The following TTC6 variants were observed in gnomAD, a reference collection of about 807,000 sequenced individuals.
TTC6 encodes the protein tetratricopeptide repeat domain 6.
TTC6 carries 172 observed loss-of-function variants against 210.4 expected under a neutral mutation model. That is an observed-to-expected ratio of 0.82 (90% CI 0.72 to 0.93). The LOEUF (loss-of-function observed/expected upper bound fraction) is 0.93. Ranked by LOEUF, TTC6 falls within the 40% of genes least tolerant of loss-of-function variation. The pLI is 0.00. For missense variants in TTC6, 2,414 were observed against 2,318.1 expected (o/e 1.04, Z -0.85); for synonymous variants, 804 against 819.6 (o/e 0.98, Z 0.32).
intron 5 of TTC6, among the ~76,000 whole-genome samples, chr14:37,712,470 AGAAACATCTTG>A: frequency 6.6e-6 from 1 of 152,344 alleles, no homozygotes; most frequent in African/African-American, 2.4e-5. Context: ...TTCGGAAAAC[AGAAACATCTTG>A]TATTTGTCTG....
At chr14:37,824,039 T>C (rs887040217) in intron 27 of TTC6, 82 bp downstream of exon 29, 7 of 1,247,468 alleles carry the variant, frequency 5.6e-6, no homozygotes, top group Admixed American at 1.9e-5. Context: ...AATGGGAGTA[T>C]ATGTTATTTC....
At chr14:37,758,378 G>T (rs2095974161) in intron 14 of TTC6, among the ~76,000 whole-genome samples, 1 of 152,140 alleles carries the variant, frequency 6.6e-6, no homozygotes, top group Admixed American at 6.5e-5. Flanking sequence ...ATTGTATTGG[G>T]TGCATATATA....
chr14:37,616,635 T>C (rs2139274284), intron 2 of TTC6, among the ~76,000 whole-genome samples: 1 of 151,632 alleles, frequency 6.6e-6, no homozygotes, highest in East Asian at 1.9e-4. Context: ...AGACGGAGCT[T>C]GCGGTGAGCG....
chr14:37,841,286 A>G (rs890887438), intron 29 of TTC6, among the ~76,000 whole-genome samples, 159 bp from the exon 32 acceptor site: 5 of 152,332 alleles, frequency 3.3e-5, no homozygotes, highest in Middle Eastern at 3.4e-3. Context: ...AGCTTTTTAC[A>G]TTCTCTGCAG....
rs1260605505 is a variant in TTC6 at position 37,842,092 on chromosome 14, TA to T, written c.5525-56del. ...AAAGTTCTTATCCAATTTTTTTTTG[TA>T]AAAAAAGAGACTATTTTTTGAGTGC... On this transcript the variant is annotated intron_variant, in intron 30 of 30. Coordinates refer to ENST00000553443, the Ensembl canonical transcript of TTC6. 1.3e-5 allele frequency: 18 copies of T among 1,383,382 alleles called. No individual in the cohort carries two copies. In the East Asian group the frequency reaches 3.9e-4, roughly 30 times the overall value. The allele number at this position is 1,383,382 out of a possible 1,614,324, so 85.7% of individuals were successfully genotyped here. A position where few individuals can be genotyped will look rare whatever the true frequency, so the allele number is the denominator to read the frequency against.
intron 2 of TTC6, chr14:37,611,332 G>A (rs1246576583): frequency 4.6e-5 from 7 of 152,316 alleles, no homozygotes; most frequent in Admixed American, 4.6e-4. Context: ...ACCGCCACCT[G>A]AATTGGAGCG....
chr14:37,719,510 A>C (rs1268834898), intron 6 of TTC6, among the ~76,000 whole-genome samples: 1 of 152,170 alleles, frequency 6.6e-6, no homozygotes, highest in Non-Finnish European at 1.5e-5. Context: ...AGGCCTGTAG[A>C]TCAATGGGAC....
intron 5 of TTC6, among the ~76,000 whole-genome samples, chr14:37,706,787 T>C (rs2095836435): frequency 6.6e-6 from 1 of 152,090 alleles, no homozygotes; most frequent in African/African-American, 2.4e-5. Context: ...AACCACTTTG[T>C]TTTATTTTTT....
upstream of TTC6, among the ~76,000 whole-genome samples, chr14:37,619,345 C>G (rs1422826183): frequency 1.3e-5 from 2 of 152,050 alleles, no homozygotes; most frequent in African/African-American, 4.8e-5. Context: ...GGGGGATAAA[C>G]AGGAGATTTT....
chr14:37,773,126 G>T (rs1443911342), intron 14 of TTC6, among the ~76,000 whole-genome samples: 2 of 151,924 alleles, frequency 1.3e-5, no homozygotes, highest in Admixed American at 1.3e-4. Context: ...TTGTTTGTTT[G>T]TTCATTTGTT....
At chr14:37,630,902 C>T (rs1226079367) in intron 1 of TTC6, among the ~76,000 whole-genome samples, 1 of 104,744 alleles carries the variant, frequency 9.5e-6, no homozygotes, top group African/African-American at 3.7e-5. Context: ...AGGATGGCAA[C>T]CCCTGTTTTT....
intron 14 of TTC6, among the ~76,000 whole-genome samples, chr14:37,778,390 C>G (rs1268729863): frequency 1.4e-5 from 2 of 142,198 alleles, no homozygotes; most frequent in Admixed American, 6.9e-5. Context: ...AATGGCAGTG[C>G]AAGGCTAGGG....
In TTC6 at chr14:37,606,648, A is replaced by C. The variant is rs1042309622; in HGVS notation, c.-234-15A>C. 4 of 890,718 alleles carry C rather than the reference A, an allele frequency of 4.5e-6. No homozygotes were observed. In the African/African-American group the frequency reaches 7.2e-5, roughly 16 times the overall value. The allele number at this position is 890,718 out of a possible 1,614,324, so 55.2% of individuals were successfully genotyped here. On this transcript the variant is annotated splice_polypyrimidine_tract_variant and intron_variant, in intron 1 of 2. Transcript: ENST00000556845. Reference sequence around the variant, plus strand: ...TTAGTTCCCTTTAATCCCACCTTCAAATTTTTTTCCCTAGGAAAACCCTTT... The same window carrying C: ...TTAGTTCCCTTTAATCCCACCTTCACATTTTTTTCCCTAGGAAAACCCTTT...
intron 20 of TTC6, among the ~76,000 whole-genome samples, 199 bp from the exon 23 acceptor site, chr14:37,804,481 G>A (rs1460712399): frequency 6.6e-6 from 1 of 152,220 alleles, no homozygotes; most frequent in East Asian, 1.9e-4. Flanking sequence ...TGGGACTCAT[G>A]AGGGTAAGAC....
At position 37,663,494 on chromosome 14, in the gene TTC6, T is replaced by A. The variant is rs192497548; in HGVS notation, c.940-16657T>A. Among the ~76,000 whole-genome samples, 465 of 152,326 alleles carry A rather than the reference T, an allele frequency of 3.1e-3. 1 individual carries two copies. The highest frequency in any genetic ancestry group is 0.011 in the African/African-American group (445 of 41,572). On this transcript the variant is annotated intron_variant, in intron 1 of 30. Coordinates refer to ENST00000553443, the Ensembl canonical transcript of TTC6. The stretch of plus-strand genomic sequence containing the variant: ...ATTGTATTGCACAGTTACATTTTTT[T>A]AAACATTATTTATTATGATAAGTTA...
chr14:37,738,661 T>G, intron 9 of TTC6, 115 bp from the exon 12 acceptor site: 1 of 933,420 alleles, frequency 1.1e-6, no homozygotes, highest in Non-Finnish European at 1.5e-6. Flanking sequence ...TTTTAAACTT[T>G]TAAATTAAGT....
intron 5 of TTC6, among the ~76,000 whole-genome samples, chr14:37,705,533 T>C (rs955304135): frequency 6.6e-6 from 1 of 152,122 alleles, no homozygotes; most frequent in Non-Finnish European, 1.5e-5. Flanking sequence ...ATGTATAATG[T>C]TTTGTAACCT....
chr14:37,824,108 A>T, intron 27 of TTC6, 151 bp downstream of exon 29: 1 of 778,446 alleles, frequency 1.3e-6, no homozygotes, highest in Non-Finnish European at 2.0e-6. Context: ...CAGTGGGAGC[A>T]GGGGTTTAGT....
intron 17 of TTC6, among the ~76,000 whole-genome samples, chr14:37,792,988 C>T (rs1014484625): frequency 6.6e-6 from 1 of 152,092 alleles, no homozygotes; most frequent in African/African-American, 2.4e-5. Flanking sequence ...TAGGAAAAAT[C>T]CTCTCCAATT....
Sources: allele counts gnomAD v4.1 joint callset (sites outside exome capture counted in the v4.1 genomes callset), GRCh38; gene constraint gnomAD v4.1.1; transcripts MANE v1.5; gene names NCBI Gene and HGNC (gene_info 2026-07-23, HGNC 2026-07-21).